UBE3A: variants seen among roughly 807,000 people sequenced by gnomAD.
The protein encoded by UBE3A is ubiquitin protein ligase E3A, also known as ubiquitin-protein ligase E3A.
In UBE3A, 6 loss-of-function variants were observed where a neutral mutation model predicts 83.4. That is an observed-to-expected ratio of 0.07 (90% CI 0.04 to 0.14). The LOEUF (loss-of-function observed/expected upper bound fraction) is 0.14, where lower values mean the gene tolerates loss of function less well. Ranked by LOEUF, UBE3A falls within the 10% of genes least tolerant of loss-of-function variation. The pLI is 1.00. For synonymous variants in UBE3A, 337 were observed against 355.4 expected, an observed-to-expected ratio of 0.95 and a Z score of 0.58; for missense variants, 456 against 1,036.1, an observed-to-expected ratio of 0.44 and a Z score of 7.69.
chr15:25,368,830 ATGG>A (rs1367048712), intron 6 of UBE3A, among the ~76,000 whole-genome samples: 4 of 152,188 alleles, frequency 2.6e-5, no homozygotes, highest in Non-Finnish European at 5.9e-5. Context: ...AGAGAAAAAA[ATGG>A]GGGACTGAGG....
At chr15:25,344,057 A>T (rs2075291278) in intron 11 of UBE3A, among the ~76,000 whole-genome samples, 1 of 152,254 alleles carries the variant, frequency 6.6e-6, no homozygotes, top group South Asian at 2.1e-4. Flanking sequence ...GGCAGTATCT[A>T]GCAAAATTAC....
chr15:25,409,308 A>G, intron 2 of UBE3A, 101 bp from the exon 3 acceptor site: 1 of 451,178 alleles, frequency 2.2e-6, no homozygotes, highest in Non-Finnish European at 4.0e-6. Context: ...GTGTCAATGT[A>G]AAATTCATCA....
At position 25,341,314 on chromosome 15, in the gene UBE3A, G is replaced by A. The variant is rs553311991; in HGVS notation, c.2355-1086C>T. The stretch of plus-strand genomic sequence containing the variant: ...TCTCGATCTCCTGACCTCGTGATCC[G>A]CCCACCTTGGCCTCCCAAAGTGCTG... On this transcript the variant is annotated intron_variant, in intron 11 of 12. Transcript: ENST00000648336. Among the ~76,000 whole-genome samples, 300 of 151,562 alleles carry A rather than the reference G, an allele frequency of 2.0e-3. 2 individuals are homozygous for A. The highest frequency in any genetic ancestry group is 6.9e-3 in the Middle Eastern group (2 of 290).
rs541807944 is a variant in UBE3A at position 25,337,679 on chromosome 15, ACAAT to A, written c.*1454_*1457del. The A allele has an allele frequency of 2.0e-3, 300 of 152,182 alleles. 1 individual carries two copies. The highest frequency in any genetic ancestry group is 6.8e-3 in the African/African-American group (280 of 41,468). The allele number at this position is 152,182 out of a possible 1,614,324, so 9.4% of individuals were successfully genotyped here. On this transcript the variant is annotated 3_prime_UTR_variant, in exon 13 of 13. Transcript: ENST00000648336. Reference sequence around the variant, plus strand: ...GGTTGATCTACAGTAATCAGTTAAAACAATCAGTCAATCAATCAATCAATCACCA... The same window carrying A: ...GGTTGATCTACAGTAATCAGTTAAAACAGTCAATCAATCAATCAATCACCA...
At chr15:25,385,107 G>A (rs2082876087) in intron 4 of UBE3A, among the ~76,000 whole-genome samples, 1 of 152,042 alleles carries the variant, frequency 6.6e-6, no homozygotes, top group African/African-American at 2.4e-5. Flanking sequence ...TAGACAAACT[G>A]GGGATACATA....
rs572859947 is a variant in UBE3A, at chr15:25,409,347, A to C, written c.-100-140T>G. ...GAGTAATTATTATAGAAAAGTTTTT[A>C]AGGACTATTTTCCAGCATTTTGTTT... On this transcript the variant is annotated intron_variant, in intron 2 of 12. Coordinates refer to ENST00000648336, the MANE Select transcript of UBE3A (RefSeq NM_130839.5). 3.5e-4 allele frequency: 144 copies of C among 409,314 alleles called. 1 individual carries two copies. In the East Asian group the frequency reaches 5.1e-3, roughly 14 times the overall value. 25.4% of individuals were successfully genotyped at this position (409,314 alleles called of 1,614,324 possible).
At chr15:25,429,041 T>C (rs904361280) in intron 1 of UBE3A, among the ~76,000 whole-genome samples, 7 of 152,170 alleles carry the variant, frequency 4.6e-5, no homozygotes, top group Non-Finnish European at 5.9e-5. Flanking sequence ...ATAAACTACA[T>C]GTACACGCAT....
intron 1 of UBE3A, among the ~76,000 whole-genome samples, chr15:25,423,274 A>C (rs1025743394): frequency 1.3e-5 from 2 of 152,188 alleles, no homozygotes; most frequent in Non-Finnish European, 2.9e-5. Flanking sequence ...AGACTTAAAC[A>C]GATTTTATAT....
chr15:25,419,872 A>C (rs7176461), intron 1 of UBE3A, among the ~76,000 whole-genome samples: 18,069 of 152,090 alleles, frequency 0.12, 1,144 homozygotes, highest in Middle Eastern at 0.23. Context: ...TAAATCCTAG[A>C]AGTATCACTG....
At chr15:25,355,867 A>C (rs1451469657) in intron 9 of UBE3A, 25 bp downstream of exon 9, 4 of 1,602,472 alleles carry the variant, frequency 2.5e-6, no homozygotes, top group Non-Finnish European at 3.4e-6. Context: ...GAAGAGACAA[A>C]ATGTGACATA....
intron 4 of UBE3A, among the ~76,000 whole-genome samples, chr15:25,380,606 G>A (rs2082015503): frequency 6.6e-6 from 1 of 152,102 alleles, no homozygotes; most frequent in Non-Finnish European, 1.5e-5. Context: ...GAAAGGGAGA[G>A]GATGCAAAAG....
chr15:25,371,339 T>C lies in UBE3A; in HGVS notation c.835A>G (p.Asn279Asp), dbSNP rs376828905. The C allele has an allele frequency of 4.3e-6, 7 of 1,613,966 alleles. No individual in the cohort carries two copies. Among genetic ancestry groups the C allele is most frequent in the African/African-American group, 2.7e-5 (2 of 74,916 alleles). ...TYHNVYSRDPNYLNLFIIVME... is the reference protein window; with the variant it reads ...TYHNVYSRDPDYLNLFIIVME... ...ACGATAATGAACAAATTCAGATAATTAGGATCTCGAGAGTATACATTGTGA... is the reference window on the plus strand; with the variant it reads ...ACGATAATGAACAAATTCAGATAATCAGGATCTCGAGAGTATACATTGTGA... The change falls in exon 6 of 13, where the codon AAT becomes GAT. Residue 279 changes from asparagine to aspartate, a missense_variant. Physicochemically the swap from Asn to Asp is conservative, Grantham distance 23. Coordinates refer to ENST00000648336, the MANE Select transcript of UBE3A (RefSeq NM_130839.5). This position sits in a 1 kb window ranked among gnomAD's most constrained non-coding sequence, Gnocchi z 5.3.
At chr15:25,432,580 C>G (rs12595544) in intron 1 of UBE3A, among the ~76,000 whole-genome samples, 95,356 of 152,084 alleles carry the variant, frequency 0.63, 33,069 homozygotes, top group Non-Finnish European at 0.78. Context: ...TAGGAAAGAG[C>G]TACCAAGCCT....
intron 11 of UBE3A, among the ~76,000 whole-genome samples, chr15:25,347,889 A>T (rs2075944863): frequency 6.6e-6 from 1 of 152,226 alleles, no homozygotes; most frequent in Non-Finnish European, 1.5e-5. Flanking sequence ...TACCTTAAAT[A>T]TAAATGGTCT....
chr15:25,410,692 A>T (rs1305346120), intron 2 of UBE3A, among the ~76,000 whole-genome samples: 1 of 152,244 alleles, frequency 6.6e-6, no homozygotes, highest in African/African-American at 2.4e-5. Flanking sequence ...AATCCAGATT[A>T]GGTGAGGATT....
chr15:25,376,414 A>G lies in UBE3A; in HGVS notation c.63-651T>C, dbSNP rs555222298. On this transcript the variant is annotated intron_variant, in intron 4 of 12. Coordinates refer to ENST00000648336, the MANE Select transcript of UBE3A (RefSeq NM_130839.5). Reference sequence around the variant, plus strand: ...TCAATCCCATAACTGTGGGAGGCTGAGGCAGGCCGACTACTTGAGCCCAGG... The same window carrying G: ...TCAATCCCATAACTGTGGGAGGCTGGGGCAGGCCGACTACTTGAGCCCAGG... Among the ~76,000 whole-genome samples, 11 of 152,280 alleles carry G rather than the reference A, an allele frequency of 7.2e-5. No individual in the cohort carries two copies. The East Asian group carries it at 2.1e-3, about 29-fold the overall frequency.
chr15:25,407,179 T>G (rs8179187), intron 3 of UBE3A: 103,147 of 1,341,490 alleles, frequency 0.077, 5,322 homozygotes, highest in East Asian at 0.31. Context: ...TGACTCATTT[T>G]TGAAAGTGCG....
At chr15:25,415,047 GTC>G (rs1341777800) in intron 1 of UBE3A, among the ~76,000 whole-genome samples, 3 of 152,138 alleles carry the variant, frequency 2.0e-5, no homozygotes, top group Non-Finnish European at 2.9e-5. Context: ...ACCCTAATTT[GTC>G]TGATTCTAAA....
At position 25,438,604 on chromosome 15, in the gene UBE3A, C is replaced by T. The variant is rs1214356364; in HGVS notation, c.-280G>A. On this transcript the variant is annotated 5_prime_UTR_variant, in exon 1 of 13. Transcript: ENST00000648336. ...TCTTTCGCTGCCGCCACCGCCGGGG[C>T]TCATGCGGGACCCGCGCTTCCTTAT... The T allele has an allele frequency of 6.5e-6, 1 of 153,174 alleles. No individual in the cohort carries two copies. The highest frequency in any genetic ancestry group is 1.5e-5 in the Non-Finnish European group (1 of 68,280). The allele number at this position is 153,174 out of a possible 1,614,324, so 9.5% of individuals were successfully genotyped here. A position where few individuals can be genotyped will look rare whatever the true frequency, so the allele number is the denominator to read the frequency against.
Sources: allele counts gnomAD v4.1 joint callset (sites outside exome capture counted in the v4.1 genomes callset), GRCh38; gene constraint gnomAD v4.1.1; non-coding constraint Gnocchi (gnomAD v3.1); transcripts MANE v1.5; gene names NCBI Gene and HGNC (gene_info 2026-07-23, HGNC 2026-07-21).